MYOF: variants seen among roughly 807,000 people sequenced by gnomAD.
The protein encoded by MYOF is fer-1-like 3, myoferlin.
In MYOF, 244 loss-of-function variants were observed where a neutral mutation model predicts 284.2. The ratio of observed to expected loss-of-function variants is 0.86; its 90% CI spans 0.77 to 0.95. The LOEUF (loss-of-function observed/expected upper bound fraction) is 0.95, where lower values mean the gene tolerates loss of function less well. Ranked by LOEUF, MYOF falls within the 40% of genes least tolerant of loss-of-function variation. MYOF has a pLI of 0.00. For synonymous variants in MYOF, 904 were observed against 919.7 expected (o/e 0.98, Z 0.31); for missense variants, 2,496 against 2,560.6 (o/e 0.97, Z 0.54).
At chr10:93,364,096 A>C in intron 26 of MYOF, 21 bp from the exon 27 acceptor site, 2 of 1,606,700 alleles carry the variant, frequency 1.2e-6, no homozygotes, top group Non-Finnish European at 1.7e-6. Context: ...GGGAGGGCTC[A>C]AGTTACCCAA....
rs780877845 is a variant in MYOF at position 93,343,927 on chromosome 10, G to A, written c.4255C>T (p.Leu1419Phe). Residue 1419 changes from leucine (L) to phenylalanine (F), a missense_variant, in exon 38 of 54, where the codon CTT (leucine) becomes TTT (phenylalanine). Leu to Phe is a conservative substitution (Grantham distance 22). Around this residue, in one of 3 missense-constraint regions of MYOF, gnomAD observed 2,436 missense variants for 2,480.7 expected, o/e 0.98. Transcript: ENST00000359263. Reference protein sequence around the residue: ...EDIVPQLKASLLSAPPCRDIV... With the variant: ...EDIVPQLKASFLSAPPCRDIV... ...TCCCGGCATGGTGGGGCAGACAGAA[G>A]GGAGGCTGCAAGACAAATACTTTCT... 1.2e-5 allele frequency: 20 copies of A among 1,614,036 alleles called. No individual in the cohort carries two copies. Among genetic ancestry groups the A allele is most frequent in the Admixed American group, 1.0e-4 (6 of 59,998 alleles).
At chr10:93,309,169 A>G (rs1356227561) in intron 53 of MYOF, among the ~76,000 whole-genome samples, 1 of 152,160 alleles carries the variant, frequency 6.6e-6, no homozygotes, top group Non-Finnish European at 1.5e-5. Context: ...GAACTGTCTT[A>G]GCAGGGGGTG....
chr10:93,418,649 TG>T (rs2134162368), intron 5 of MYOF, among the ~76,000 whole-genome samples: 1 of 152,354 alleles, frequency 6.6e-6, no homozygotes, highest in South Asian at 2.1e-4. Context: ...AATGTACGAC[TG>T]CAGCGTTTCT....
At chr10:93,390,880 G>T in intron 17 of MYOF, among the ~76,000 whole-genome samples, 1 of 152,094 alleles carries the variant, frequency 6.6e-6, no homozygotes, top group Non-Finnish European at 1.5e-5. Context: ...TAAAGCTATG[G>T]CACCATAGTC....
intron 3 of MYOF, among the ~76,000 whole-genome samples, chr10:93,433,796 A>T (rs1848979306): frequency 6.6e-6 from 1 of 152,258 alleles, no homozygotes; most frequent in Non-Finnish European, 1.5e-5. Flanking sequence ...ATGGCAGCAT[A>T]GGCACATCTT....
rs1844282543 is a variant in MYOF, at chr10:93,347,633, G to GATGTCCTCTT, written c.4223_4232dup (p.Val1412ArgfsTer34). On this transcript the variant is annotated frameshift_variant, in exon 37 of 54. Transcript: ENST00000359263. LOFTEE classifies it high-confidence loss of function. Reference sequence around the variant, plus strand: ...GCATGTTACCTTTGAGCTGTGGGACGATGTCCTCTTTCCCTGCATAAGGGT... The same window carrying GATGTCCTCTT: ...GCATGTTACCTTTGAGCTGTGGGACGATGTCCTCTTATGTCCTCTTTCCCTGCATAAGGGT... 1 of 1,612,228 alleles carries GATGTCCTCTT rather than the reference G, an allele frequency of 6.2e-7. No individual in the cohort carries two copies. The highest frequency in any genetic ancestry group is 8.5e-7 in the Non-Finnish European group (1 of 1,179,280).
chr10:93,406,852 A>G (rs1847617465), intron 7 of MYOF, among the ~76,000 whole-genome samples: 1 of 152,092 alleles, frequency 6.6e-6, no homozygotes, highest in Non-Finnish European at 1.5e-5. Context: ...GTAGGAAAAA[A>G]AAAAGGACAA....
chr10:93,397,020 C>G (rs148118011), intron 15 of MYOF, among the ~76,000 whole-genome samples: 12 of 152,148 alleles, frequency 7.9e-5, no homozygotes, highest in Non-Finnish European at 1.5e-4. Flanking sequence ...ATTTTCAGCA[C>G]GTTCCCCTTC....
At chr10:93,419,558 A>G (rs1466597580) in intron 5 of MYOF, among the ~76,000 whole-genome samples, 1 of 152,240 alleles carries the variant, frequency 6.6e-6, no homozygotes, top group Non-Finnish European at 1.5e-5. Flanking sequence ...CCAAGCATTT[A>G]TTAACAATTA....
chr10:93,310,726 C>T (rs903757863), intron 51 of MYOF, 83 bp from the exon 52 acceptor site: 168 of 1,276,420 alleles, frequency 1.3e-4, no homozygotes, highest in Non-Finnish European at 1.8e-4. Context: ...ATTCCCCGAG[C>T]AATGATTTTT....
At chr10:93,331,022 T>C (rs2133804543) in intron 43 of MYOF, among the ~76,000 whole-genome samples, 1 of 152,340 alleles carries the variant, frequency 6.6e-6, no homozygotes, top group Non-Finnish European at 1.5e-5. Flanking sequence ...GCAGTTCTTC[T>C]GGACAAACTA....
chr10:93,378,588 T>C (rs1347900742), intron 21 of MYOF, among the ~76,000 whole-genome samples: 1 of 151,052 alleles, frequency 6.6e-6, no homozygotes, highest in Non-Finnish European at 1.5e-5. Flanking sequence ...AAAATTAATA[T>C]TAACATAATG....
rs546340784 is a variant in MYOF at position 93,457,852 on chromosome 10, C to T, written c.89-915G>A. On this transcript the variant is annotated intron_variant, in intron 1 of 53. Coordinates refer to ENST00000359263, the MANE Select transcript of MYOF (RefSeq NM_013451.4). ...AGCTCAAGAGATCCTCCCACCTCGG[C>T]GCCCCATGTAGTTGGGACCACAGGT... 4.6e-5 allele frequency among the ~76,000 whole-genome samples: 7 copies of T among 151,394 alleles called. No individual in the cohort carries two copies. The South Asian group carries it at 6.3e-4, about 14-fold the overall frequency.
intron 7 of MYOF, among the ~76,000 whole-genome samples, chr10:93,406,286 TTTTATA>T (rs1205662298): frequency 5.2e-5 from 1 of 19,202 alleles, no homozygotes; most frequent in African/African-American, 8.6e-5. Flanking sequence ...AGTAAACCTC[TTTTATA>T]TATATATATA....
At chr10:93,357,715 C>T (rs1228603448) in intron 29 of MYOF, among the ~76,000 whole-genome samples, 2 of 152,184 alleles carry the variant, frequency 1.3e-5, no homozygotes, top group African/African-American at 2.4e-5. Flanking sequence ...TTGTACCTGA[C>T]CCTCTAGTAA....
intron 7 of MYOF, among the ~76,000 whole-genome samples, chr10:93,407,469 G>A (rs867736431): frequency 2.9e-5 from 4 of 138,206 alleles, no homozygotes; most frequent in African/African-American, 8.1e-5. Flanking sequence ...GGTGGCTCAC[G>A]CCTGTAATCC....
rs752985500 is a variant in MYOF, at chr10:93,482,243, G to A, written c.-49C>T. The A allele has an allele frequency of 3.0e-5, 44 of 1,480,726 alleles. No individual in the cohort carries two copies. The highest frequency in any genetic ancestry group is 3.8e-5 in the Non-Finnish European group (41 of 1,067,070). 91.7% of individuals were successfully genotyped at this position (1,480,726 alleles called of 1,614,324 possible). A position where few individuals can be genotyped will look rare whatever the true frequency, so the allele number is the denominator to read the frequency against. On this transcript the variant is annotated 5_prime_UTR_variant, in exon 1 of 54. Coordinates refer to ENST00000359263, the MANE Select transcript of MYOF (RefSeq NM_013451.4). ...GTTTCAGCAAACGAAGTGGAGACTAGGGCGCTGGAGCTCCGGGTCGCACCG... is the reference window on the plus strand; with the variant it reads ...GTTTCAGCAAACGAAGTGGAGACTAAGGCGCTGGAGCTCCGGGTCGCACCG...
chr10:93,358,175 A>T (rs781699753), intron 29 of MYOF, among the ~76,000 whole-genome samples: 2 of 152,250 alleles, frequency 1.3e-5, no homozygotes, highest in Non-Finnish European at 2.9e-5. Flanking sequence ...GAAGACATTT[A>T]TGTGGCCAAA....
intron 24 of MYOF, among the ~76,000 whole-genome samples, chr10:93,370,738 G>A (rs1845549098): frequency 6.6e-6 from 1 of 152,156 alleles, no homozygotes; most frequent in African/African-American, 2.4e-5. Context: ...GTTGTCTTGA[G>A]AAAAAGCTCT....
Sources: gnomAD v4.1 joint callset for allele counts (sites outside exome capture counted in the v4.1 genomes callset) on GRCh38, gnomAD v4.1.1 for gene constraint, gnomAD v4.1.1 regional missense constraint, MANE v1.5 for transcripts, NCBI Gene and HGNC (gene_info 2026-07-23, HGNC 2026-07-21) for gene names.